Variants in KIAA1549 observed in about 807,000 individuals in gnomAD.
KIAA1549 encodes the protein KIAA1549, also known as UPF0606 protein KIAA1549.
KIAA1549 carries 70 observed loss-of-function variants against 156.4 expected under a neutral mutation model. The ratio of observed to expected loss-of-function variants is 0.45; its 90% confidence interval spans 0.37 to 0.55. The LOEUF (loss-of-function observed/expected upper bound fraction) is 0.55. KIAA1549 is among the 20% of genes least tolerant of loss of function. The pLI is 0.00. For synonymous variants in KIAA1549, 1,103 were observed against 1,066.4 expected, an observed-to-expected ratio of 1.03 and a Z score of -0.67; for missense variants, 2,428 against 2,540.9, an observed-to-expected ratio of 0.96 and a Z score of 0.96.
rs1189459017 is a variant in KIAA1549, at chr7:138,835,357, T to C, written c.*2549A>G. On this transcript the variant is annotated 3_prime_UTR_variant, in exon 20 of 20. Coordinates refer to ENST00000422774, the MANE Select transcript of KIAA1549 (RefSeq NM_001164665.2). ...CCACACCATAACCACCGGCTGTTTA[T>C]TATACATCATCTTTGGTCTTGACAT... is the stretch of plus-strand genomic sequence containing the variant. 1 of 213,584 alleles carries C rather than the reference T, an allele frequency of 4.7e-6. No homozygotes were observed. The highest frequency in any genetic ancestry group is 9.5e-6 in the Non-Finnish European group (1 of 105,690). The allele number at this position is 213,584 out of a possible 1,614,324, so 13.2% of individuals were successfully genotyped here. A position where few individuals can be genotyped will look rare whatever the true frequency, so the allele number is the denominator to read the frequency against.
rs559569457 is a variant in KIAA1549, at chr7:138,841,885, C to A, written c.5453-1607G>T. On this transcript the variant is annotated intron_variant, in intron 18 of 19. Transcript: ENST00000422774. The stretch of plus-strand genomic sequence containing the variant: ...CTGACCGACAACCTCAATTAATCAA[C>A]CACATTTAAAAAAAAAAAAAAAGAA... 6.0e-5 allele frequency among the ~76,000 whole-genome samples: 7 copies of A among 117,154 alleles called. No individual in the cohort carries two copies. The South Asian group carries it at 2.0e-3, about 33-fold the overall frequency. 76.9% of individuals were successfully genotyped at this position (117,154 alleles called of 152,430 possible).
At chr7:138,898,219 A>C (rs1452402815) in intron 9 of KIAA1549, among the ~76,000 whole-genome samples, 1 of 151,382 alleles carries the variant, frequency 6.6e-6, no homozygotes, top group Non-Finnish European at 1.5e-5. Context: ...AGGCAGGAGA[A>C]TCACTTGAAC....
chr7:138,951,502 C>T (rs1813498598), intron 1 of KIAA1549, among the ~76,000 whole-genome samples: 1 of 152,240 alleles, frequency 6.6e-6, no homozygotes, highest in African/African-American at 2.4e-5. Context: ...GGTCTGCTTA[C>T]ACAGGCTGGC....
chr7:138,934,679 G>A (rs1018713384), intron 1 of KIAA1549, among the ~76,000 whole-genome samples: 1 of 152,110 alleles, frequency 6.6e-6, no homozygotes, highest in African/African-American at 2.4e-5. Context: ...AACAAGATAC[G>A]TGGTCCCTGA....
chr7:138,931,981 G>A (rs141354520), intron 1 of KIAA1549, among the ~76,000 whole-genome samples: 24 of 152,098 alleles, frequency 1.6e-4, no homozygotes, highest in African/African-American at 5.5e-4. Context: ...TGGTGGGGAG[G>A]CGTGGGGTGT....
At chr7:138,861,825 C>T (rs541185280) in intron 15 of KIAA1549, among the ~76,000 whole-genome samples, 10 of 151,954 alleles carry the variant, frequency 6.6e-5, no homozygotes, top group Non-Finnish European at 8.8e-5. Context: ...AAGCTATAAT[C>T]GCATCATTGT....
At chr7:138,973,913 G>C (rs1814296526) in intron 1 of KIAA1549, among the ~76,000 whole-genome samples, 2 of 152,218 alleles carry the variant, frequency 1.3e-5, no homozygotes, top group Non-Finnish European at 2.9e-5. Flanking sequence ...CAAAGTGCTA[G>C]GAACACAGGC....
At chr7:138,890,710 G>A (rs955283895) in intron 10 of KIAA1549, among the ~76,000 whole-genome samples, 1 of 152,220 alleles carries the variant, frequency 6.6e-6, no homozygotes, top group Non-Finnish European at 1.5e-5. Flanking sequence ...GACCTTGGCT[G>A]AGATGGAACG....
Position 138,918,894 on chromosome 7 carries a change from T to C in KIAA1549, c.732A>G (p.Pro244=). Residue 244 remains proline (P), a synonymous_variant, in exon 2 of 20, where the codon CCA becomes CCG. Coordinates refer to ENST00000422774, the MANE Select transcript of KIAA1549 (RefSeq NM_001164665.2). The surrounding 1 kb of genome is among the most constrained non-coding windows in gnomAD (Gnocchi z 4.2). ...SAFRTSEGIV[P]TPGRNLVLYP... is the part of the protein sequence containing the mutation. ...AAAGCACCAAATTCCTGCCAGGAGT[T>C]GGAACGATGCCCTCAGAGGTGCGAA... 6.2e-7 allele frequency: 1 copy of C among 1,614,036 alleles called. No homozygotes were observed. The highest frequency in any genetic ancestry group is 8.5e-7 in the Non-Finnish European group (1 of 1,179,888).
intron 16 of KIAA1549, among the ~76,000 whole-genome samples, chr7:138,858,774 G>A (rs1025146271): frequency 2.1e-4 from 32 of 152,200 alleles, no homozygotes; most frequent in Middle Eastern, 6.8e-3. Context: ...TTGGGAGGCC[G>A]AGGCAGGCAG....
intron 12 of KIAA1549, chr7:138,876,436 T>C (rs1337082682): frequency 6.6e-6 from 1 of 152,240 alleles, no homozygotes; most frequent in Non-Finnish European, 1.5e-5. Flanking sequence ...TGCCTTTCAA[T>C]TTTAGTCTAT....
At chr7:138,860,345 A>G (rs1810536760) in intron 16 of KIAA1549, among the ~76,000 whole-genome samples, 1 of 152,174 alleles carries the variant, frequency 6.6e-6, no homozygotes, top group South Asian at 2.1e-4. Flanking sequence ...ATTCAAACCC[A>G]TTTCAGAGAT....
At chr7:138,899,306 G>A (rs1811776277) in intron 8 of KIAA1549, among the ~76,000 whole-genome samples, 174 bp from the exon 9 acceptor site, 1 of 152,122 alleles carries the variant, frequency 6.6e-6, no homozygotes, top group South Asian at 2.1e-4. Flanking sequence ...ATGGGAAGAG[G>A]GACAGTGGGG....
intron 1 of KIAA1549, 100 bp from the exon 2 acceptor site, chr7:138,919,538 A>T (rs1338988101): frequency 4.0e-6 from 6 of 1,514,242 alleles, no homozygotes; most frequent in Non-Finnish European, 5.3e-6. Context: ...ACAAACATCC[A>T]TTCACCATAA....
rs541163554 is a variant in KIAA1549 at position 138,928,687 on chromosome 7, T to G, written c.188-9249A>C. 2.0e-4 allele frequency among the ~76,000 whole-genome samples: 30 copies of G among 152,354 alleles called. 1 individual carries two copies. The East Asian group carries it at 4.1e-3, about 21-fold the overall frequency. ...CAATAAAGCAAGTCACACAAATTTT[T>G]TTGTTTCCCAGTGCATATAAAAGTT... On this transcript the variant is annotated intron_variant, in intron 1 of 19. Transcript: ENST00000422774.
intron 12 of KIAA1549, among the ~76,000 whole-genome samples, chr7:138,873,963 T>C (rs941757120): frequency 7.1e-6 from 1 of 141,670 alleles, no homozygotes; most frequent in Admixed American, 6.9e-5. Context: ...ATTATATAAT[T>C]ATATCACACA....
intron 12 of KIAA1549, 78 bp from the exon 13 acceptor site, chr7:138,871,440 C>G (rs1009560640): frequency 1.4e-5 from 18 of 1,300,008 alleles, no homozygotes; most frequent in Non-Finnish European, 1.9e-5. Flanking sequence ...GTGAATTATT[C>G]TTTAAAGAAT....
At chr7:138,952,588 T>A (rs1298020559) in intron 1 of KIAA1549, among the ~76,000 whole-genome samples, 1 of 152,184 alleles carries the variant, frequency 6.6e-6, no homozygotes, top group African/African-American at 2.4e-5. Context: ...TGACGTGAAT[T>A]CCCAGGGCAC....
rs769413347 is a variant in KIAA1549 at position 138,918,566 on chromosome 7, A to G, written c.1060T>C (p.Phe354Leu). Residue 354 changes from phenylalanine (F) to leucine (L), a missense_variant, in exon 2 of 20, where the codon TTC becomes CTC. Physicochemically the swap from Phe to Leu is conservative, Grantham distance 22. Transcript: ENST00000422774. This position sits in a 1 kb window ranked among gnomAD's most constrained non-coding sequence, Gnocchi z 4.2. ...AGCAATGGAGAATGTGTCCTGCTGA[A>G]TGCAAGGGCTGCGTGCGATGCAGTC... ...TVTASHAALAFSRTHSPLLST... is the reference protein window; with the variant it reads ...TVTASHAALALSRTHSPLLST... 3.7e-6 allele frequency: 6 copies of G among 1,614,074 alleles called. No homozygotes were observed. The highest frequency in any genetic ancestry group is 4.2e-6 in the Non-Finnish European group (5 of 1,179,906).
Sources: allele counts gnomAD v4.1 joint callset (sites outside exome capture counted in the v4.1 genomes callset), GRCh38; gene constraint gnomAD v4.1.1; non-coding constraint Gnocchi (gnomAD v3.1); transcripts MANE v1.5; gene names NCBI Gene and HGNC (gene_info 2026-07-23, HGNC 2026-07-21).